Variants in DYNC1I1 observed in about 807,000 individuals in gnomAD.
DYNC1I1 encodes the protein dynein cytoplasmic 1 intermediate chain 1, also known as cytoplasmic dynein 1 intermediate chain 1.
Under a neutral mutation model 86.6 loss-of-function variants are expected in DYNC1I1, and 43 were observed. The ratio of observed to expected loss-of-function variants is 0.50; its 90% confidence interval spans 0.39 to 0.64. The LOEUF (loss-of-function observed/expected upper bound fraction) is 0.64. Ranked by LOEUF, DYNC1I1 falls within the 30% of genes least tolerant of loss-of-function variation. DYNC1I1 has a pLI of 0.00. For missense variants in DYNC1I1, 604 were observed against 788.8 expected (o/e 0.77, Z 2.81); for synonymous variants, 262 against 283.7 (o/e 0.92, Z 0.77).
intron 6 of DYNC1I1, among the ~76,000 whole-genome samples, chr7:95,968,144 A>G (rs1287480594): frequency 6.6e-6 from 1 of 152,108 alleles, no homozygotes; most frequent in Non-Finnish European, 1.5e-5. Context: ...GAGGTAGGGA[A>G]CAATGACCAG....
intron 14 of DYNC1I1, among the ~76,000 whole-genome samples, chr7:96,065,388 T>C (rs1201701291): frequency 6.7e-6 from 1 of 149,190 alleles, no homozygotes; most frequent in African/African-American, 2.5e-5. Flanking sequence ...CTTTTTTTTT[T>C]TTTTTTTGAG....
chr7:95,828,174 A>G (rs1269009127), intron 5 of DYNC1I1, 58 bp downstream of exon 5: 1 of 1,590,970 alleles, frequency 6.3e-7, no homozygotes, highest in Non-Finnish European at 8.6e-7. Flanking sequence ...GTTGTGTTGA[A>G]ATGCTGGAGC....
chr7:95,955,139 C>A (rs771183282), intron 6 of DYNC1I1, among the ~76,000 whole-genome samples: 20 of 151,958 alleles, frequency 1.3e-4, no homozygotes, highest in Middle Eastern at 3.2e-3. Flanking sequence ...TCCAGGCATT[C>A]ATGCTGGTTT....
At chr7:96,037,818 C>G (rs1237521272) in intron 13 of DYNC1I1, among the ~76,000 whole-genome samples, 1 of 152,120 alleles carries the variant, frequency 6.6e-6, no homozygotes, top group Non-Finnish European at 1.5e-5. Context: ...GTCCATCCAT[C>G]TGAAATATAA....
intron 6 of DYNC1I1, among the ~76,000 whole-genome samples, chr7:95,946,361 C>G (rs1021291750): frequency 1.3e-5 from 2 of 152,070 alleles, no homozygotes; most frequent in African/African-American, 2.4e-5. Context: ...GATGTTCTTT[C>G]TACCTATTTA....
At chr7:95,849,973 C>T (rs536205228) in intron 5 of DYNC1I1, among the ~76,000 whole-genome samples, 1 of 152,062 alleles carries the variant, frequency 6.6e-6, no homozygotes, top group Admixed American at 6.5e-5. Context: ...TTATTTTGGT[C>T]TCTATTGTAA....
intron 8 of DYNC1I1, among the ~76,000 whole-genome samples, chr7:95,985,681 A>C (rs1312493483): frequency 6.6e-6 from 1 of 152,150 alleles, no homozygotes; most frequent in Non-Finnish European, 1.5e-5. Flanking sequence ...CAAGAATGAT[A>C]TGTGAAGGTA....
In DYNC1I1 at chr7:96,016,983, T is replaced by G. The variant is rs569771171; in HGVS notation, c.970-11192T>G. Among the ~76,000 whole-genome samples, 23 of 152,266 alleles carry G rather than the reference T, an allele frequency of 1.5e-4. No homozygotes were observed. In the South Asian group the frequency reaches 1.9e-3, roughly 12 times the overall value. On this transcript the variant is annotated intron_variant, in intron 10 of 16. Transcript: ENST00000447467. Reference sequence around the variant, plus strand: ...AGCCATTCTCAGAAACCCCAAACATTTCTGAAGATCCTAAACTGGAGACAT... The same window carrying G: ...AGCCATTCTCAGAAACCCCAAACATGTCTGAAGATCCTAAACTGGAGACAT...
intron 5 of DYNC1I1, among the ~76,000 whole-genome samples, chr7:95,834,506 C>T (rs1225003918): frequency 9.1e-6 from 1 of 110,154 alleles, no homozygotes; most frequent in Non-Finnish European, 1.8e-5. Flanking sequence ...AGGGAGGATT[C>T]CCTCTTTTTC....
chr7:96,072,482 G>T (rs892875305), intron 14 of DYNC1I1, among the ~76,000 whole-genome samples: 2 of 151,994 alleles, frequency 1.3e-5, no homozygotes, highest in African/African-American at 4.8e-5. Context: ...ACAGTAACTT[G>T]CTGTGGAACA....
intron 14 of DYNC1I1, among the ~76,000 whole-genome samples, chr7:96,074,550 C>CTAAA (rs1790273956): frequency 1.5e-5 from 1 of 66,950 alleles, no homozygotes; most frequent in African/African-American, 5.2e-5. Flanking sequence ...GACTCCGTCT[C>CTAAA]AAAAAAAAAA....
chr7:96,090,240 T>C (rs748032354), intron 16 of DYNC1I1, among the ~76,000 whole-genome samples: 6 of 151,080 alleles, frequency 4.0e-5, no homozygotes, highest in Admixed American at 6.6e-5. Flanking sequence ...GGATATTTGT[T>C]GTTGTTGTTG....
chr7:95,909,846 C>A (rs532881199), intron 6 of DYNC1I1, among the ~76,000 whole-genome samples: 2 of 152,300 alleles, frequency 1.3e-5, no homozygotes, highest in South Asian at 4.1e-4. Context: ...TCAGTCCAAA[C>A]TCCTTGCTAG....
At chr7:95,858,984 A>G (rs1259992964) in intron 5 of DYNC1I1, among the ~76,000 whole-genome samples, 3 of 146,796 alleles carry the variant, frequency 2.0e-5, no homozygotes, top group Non-Finnish European at 4.5e-5. Flanking sequence ...ATAAGATATT[A>G]ATGTATTTAT....
rs148254528 is a variant in DYNC1I1, at chr7:95,993,150, T to C, written c.844-2798T>C. The stretch of plus-strand genomic sequence containing the variant: ...TGGAAAAAGAAAATATGACTAGTCA[T>C]GTTCAAACAAACAGTGGAAAAAGAC... On this transcript the variant is annotated intron_variant, in intron 9 of 16. Transcript: ENST00000447467. Among the ~76,000 whole-genome samples, 4 of 152,328 alleles carry C rather than the reference T, an allele frequency of 2.6e-5. No homozygotes were observed. In the East Asian group the frequency reaches 5.8e-4, roughly 22 times the overall value.
chr7:95,839,329 C>G (rs1439323072), intron 5 of DYNC1I1, among the ~76,000 whole-genome samples: 1 of 152,120 alleles, frequency 6.6e-6, no homozygotes, highest in African/African-American at 2.4e-5. Context: ...CTGCACCCAG[C>G]CTCCTTTCTC....
intron 14 of DYNC1I1, among the ~76,000 whole-genome samples, chr7:96,072,693 A>T (rs1321387059): frequency 6.6e-6 from 1 of 152,220 alleles, no homozygotes; most frequent in Non-Finnish European, 1.5e-5. Flanking sequence ...AAGCTATAAC[A>T]TGTTTGTGGA....
At chr7:95,817,056 G>A (rs992900516) in intron 4 of DYNC1I1, among the ~76,000 whole-genome samples, 1 of 151,938 alleles carries the variant, frequency 6.6e-6, no homozygotes, top group African/African-American at 2.4e-5. Flanking sequence ...TTGAAAGTAG[G>A]GACTAAGTGA....
chr7:96,079,441 A>G (rs763224780), intron 15 of DYNC1I1, among the ~76,000 whole-genome samples: 2 of 152,278 alleles, frequency 1.3e-5, no homozygotes, highest in East Asian at 1.9e-4. Context: ...CTTTATGTCA[A>G]TTATAAACTT....
Sources: gnomAD v4.1 joint callset for allele counts (sites outside exome capture counted in the v4.1 genomes callset) on GRCh38, gnomAD v4.1.1 for gene constraint, MANE v1.5 for transcripts, NCBI Gene and HGNC (gene_info 2026-07-23, HGNC 2026-07-21) for gene names.